The following CRISPLD1 variants were observed in gnomAD, a reference collection of about 807,000 sequenced individuals.
The protein encoded by CRISPLD1 is cysteine-rich secretory protein LCCL domain-containing 1.
A neutral mutation model predicts 77.5 loss-of-function variants in CRISPLD1; 60 were observed. The ratio of observed to expected loss-of-function variants is 0.77; its 90% CI spans 0.63 to 0.96. The LOEUF (loss-of-function observed/expected upper bound fraction) is 0.96, where lower values mean the gene tolerates loss of function less well. Ranked by LOEUF, CRISPLD1 falls within the 40% of genes least tolerant of loss-of-function variation. The pLI is 0.00. For synonymous variants in CRISPLD1, 195 were observed against 200.1 expected, an observed-to-expected ratio of 0.97 and a Z score of 0.22; for missense variants, 623 against 615.8, an observed-to-expected ratio of 1.01 and a Z score of -0.12.
At chr8:74,995,309 G>A (rs1812629844) in intron 2 of CRISPLD1, among the ~76,000 whole-genome samples, 2 of 152,192 alleles carry the variant, frequency 1.3e-5, no homozygotes, top group Non-Finnish European at 2.9e-5. Flanking sequence ...CAAGTAAAAT[G>A]CAGATATGAC....
intron 10 of CRISPLD1, among the ~76,000 whole-genome samples, chr8:75,018,098 C>T (rs1048205378): frequency 6.6e-6 from 1 of 151,932 alleles, no homozygotes; most frequent in Non-Finnish European, 1.5e-5. Flanking sequence ...AAACAGTAAA[C>T]ATTACTGAAG....
chr8:75,014,434 G>T (rs539467562), intron 5 of CRISPLD1, among the ~76,000 whole-genome samples: 1 of 151,990 alleles, frequency 6.6e-6, no homozygotes. Context: ...ATTTTCATCT[G>T]TGTAAAGACC....
intron 12 of CRISPLD1, among the ~76,000 whole-genome samples, chr8:75,024,965 G>A (rs1050225313): frequency 1.3e-5 from 2 of 152,124 alleles, no homozygotes; most frequent in Non-Finnish European, 2.9e-5. Context: ...AACTAGAGAA[G>A]GAGATTAGGA....
intron 14 of CRISPLD1, among the ~76,000 whole-genome samples, chr8:75,030,781 A>T (rs116852533): frequency 1.1e-3 from 142 of 132,448 alleles, no homozygotes; most frequent in African/African-American, 2.9e-3. Flanking sequence ...TATGTGTGTG[A>T]CTGTATATAT....
chr8:74,985,978 G>GTCAT lies in CRISPLD1; in HGVS notation c.-4_-1dup. On this transcript the variant is annotated 5_prime_UTR_variant, in exon 2 of 15. Coordinates refer to ENST00000262207, the MANE Select transcript of CRISPLD1 (RefSeq NM_031461.6). ...GAGATTTTCCTGGGGAAATCCTGAGGTCATTCATTATGAAGTGTACCGCGC... is the reference window on the plus strand; with the variant it reads ...GAGATTTTCCTGGGGAAATCCTGAGGTCATTCATTCATTATGAAGTGTACCGCGC... 16 of 1,605,410 alleles carry GTCAT rather than the reference G, an allele frequency of 1.0e-5. No individual in the cohort carries two copies. The highest frequency in any genetic ancestry group is 1.4e-5 in the Non-Finnish European group (16 of 1,173,182).
At chr8:75,010,758 C>G (rs1323941998) in intron 2 of CRISPLD1, among the ~76,000 whole-genome samples, 1 of 151,774 alleles carries the variant, frequency 6.6e-6, no homozygotes, top group Non-Finnish European at 1.5e-5. Flanking sequence ...AGAGTTTTTT[C>G]CTTTTAGATT....
intron 2 of CRISPLD1, among the ~76,000 whole-genome samples, chr8:74,994,952 A>G (rs2128781461): frequency 6.6e-6 from 1 of 152,290 alleles, no homozygotes; most frequent in South Asian, 2.1e-4. Flanking sequence ...GACATATTAA[A>G]ATTGAGATTT....
At chr8:75,004,857 GT>G (rs1245128521) in intron 2 of CRISPLD1, among the ~76,000 whole-genome samples, 9 of 152,050 alleles carry the variant, frequency 5.9e-5, no homozygotes, top group African/African-American at 2.2e-4. Context: ...ATATTTAGAA[GT>G]CTGTGCTTTA....
rs764918422 is a variant in CRISPLD1 at position 74,985,964 on chromosome 8, G to A, written c.-24G>A. The stretch of plus-strand genomic sequence containing the variant: ...AAGAGCCTGTCTTGGAGATTTTCCT[G>A]GGGAAATCCTGAGGTCATTCATTAT... On this transcript the variant is annotated 5_prime_UTR_variant, in exon 2 of 15. Transcript: ENST00000262207. 1.3e-6 allele frequency: 2 copies of A among 1,595,584 alleles called. No homozygotes were observed. Among genetic ancestry groups the A allele is most frequent in the Middle Eastern group, 3.5e-4 (2 of 5,714 alleles).
chr8:74,992,755 A>T (rs994517258), intron 2 of CRISPLD1, among the ~76,000 whole-genome samples: 2 of 152,128 alleles, frequency 1.3e-5, no homozygotes, highest in Non-Finnish European at 2.9e-5. Flanking sequence ...ACACATCTGA[A>T]TACCTCTCCT....
intron 14 of CRISPLD1, among the ~76,000 whole-genome samples, chr8:75,030,742 G>A (rs191033976): frequency 1.5e-5 from 2 of 134,564 alleles, no homozygotes; most frequent in East Asian, 2.0e-4. Flanking sequence ...ATATATGTAT[G>A]AGTGTGTGTA....
At chr8:74,986,347 T>C in intron 2 of CRISPLD1, 102 bp downstream of exon 2, 1 of 1,219,586 alleles carries the variant, frequency 8.2e-7, no homozygotes, top group Non-Finnish European at 1.2e-6. Flanking sequence ...TATATGAAGT[T>C]GAAAAAAGAT....
chr8:74,998,556 T>C (rs1812680880), intron 2 of CRISPLD1, among the ~76,000 whole-genome samples: 1 of 151,506 alleles, frequency 6.6e-6, no homozygotes, highest in Non-Finnish European at 1.5e-5. Flanking sequence ...AGTATGGTGG[T>C]GCATGCCTGT....
Position 75,006,164 on chromosome 8 carries a change from G to C in CRISPLD1, c.259-6269G>C, listed in dbSNP as rs1449078799. ...CTGTTTAACCCCCACTTATAAGTGA[G>C]AGCATGCAGTATTTGACTTTTTGTG... On this transcript the variant is annotated intron_variant, in intron 2 of 14. Transcript: ENST00000262207. 7.2e-5 allele frequency among the ~76,000 whole-genome samples: 11 copies of C among 152,244 alleles called. No individual in the cohort carries two copies. In the East Asian group the frequency reaches 1.7e-3, roughly 24 times the overall value.
intron 2 of CRISPLD1, among the ~76,000 whole-genome samples, chr8:74,993,538 C>T (rs1812605193): frequency 1.3e-5 from 2 of 151,886 alleles, no homozygotes; most frequent in African/African-American, 2.4e-5. Context: ...TTTACAAAAC[C>T]TTAATTTGAA....
At chr8:74,995,766 T>A (rs1378076461) in intron 2 of CRISPLD1, among the ~76,000 whole-genome samples, 3 of 151,942 alleles carry the variant, frequency 2.0e-5, no homozygotes, top group Admixed American at 6.5e-5. Flanking sequence ...TTTGCATAAT[T>A]TTTTTGCAAA....
rs2128788400 is a variant in CRISPLD1 at position 75,025,694 on chromosome 8, A to G, written c.1320+73A>G. On this transcript the variant is annotated intron_variant, in intron 13 of 14. Coordinates refer to ENST00000262207, the MANE Select transcript of CRISPLD1 (RefSeq NM_031461.6). ...AATGTATAGACACATTTAAATGTGT[A>G]TATGTACATTTATATACAGAGCGAA... 4 of 774,930 alleles carry G rather than the reference A, an allele frequency of 5.2e-6. No homozygotes were observed. In the South Asian group the frequency reaches 6.6e-5, roughly 13 times the overall value. The allele number at this position is 774,930 out of a possible 1,614,324, so 48.0% of individuals were successfully genotyped here.
At chr8:74,996,426 A>G (rs1189738916) in intron 2 of CRISPLD1, among the ~76,000 whole-genome samples, 1 of 152,162 alleles carries the variant, frequency 6.6e-6, no homozygotes, top group Non-Finnish European at 1.5e-5. Flanking sequence ...AAAAGTTTGA[A>G]AAGTTAATGA....
At chr8:75,003,225 A>C (rs2128783115) in intron 2 of CRISPLD1, among the ~76,000 whole-genome samples, 1 of 152,346 alleles carries the variant, frequency 6.6e-6, no homozygotes, top group East Asian at 1.9e-4. Context: ...AAGTATGTAA[A>C]TATACATTTG....
Sources: gnomAD v4.1 joint callset for allele counts (sites outside exome capture counted in the v4.1 genomes callset) on GRCh38, gnomAD v4.1.1 for gene constraint, MANE v1.5 for transcripts, NCBI Gene and HGNC (gene_info 2026-07-23, HGNC 2026-07-21) for gene names.